The following NRG1 variants were observed in gnomAD, a reference collection of about 807,000 sequenced individuals.
The protein encoded by NRG1 is neuregulin 1.
Under a neutral mutation model 63.8 loss-of-function variants are expected in NRG1, and 18 were observed. The ratio of observed to expected loss-of-function variants is 0.28; its 90% CI spans 0.19 to 0.42. NRG1 has a LOEUF of 0.42. Among genes scored for constraint, NRG1 ranks in the 10% least tolerant of loss-of-function variants. The probability of loss-of-function intolerance (pLI) is 1.00; values close to 1 mark genes in which losing one functional copy is unlikely to be tolerated. For synonymous variants in NRG1, 302 were observed against 301.3 expected (o/e 1.00, Z -0.02); for missense variants, 762 against 814.7 (o/e 0.94, Z 0.79).
At chr8:32,310,514 G>T (rs1276914953) in intron 1 of NRG1, among the ~76,000 whole-genome samples, 1 of 152,108 alleles carries the variant, frequency 6.6e-6, no homozygotes, top group African/African-American at 2.4e-5. Flanking sequence ...CTTTAGTAGA[G>T]GCCAAATAAA....
At chr8:32,728,498 G>C in intron 6 of NRG1, 2 of 985,238 alleles carry the variant, frequency 2.0e-6, no homozygotes, top group Non-Finnish European at 2.4e-6. Flanking sequence ...AAATGAATAA[G>C]ACAACAAAGA....
chr8:32,018,546 T>C (rs1415871560), intron 1 of NRG1, among the ~76,000 whole-genome samples: 1 of 152,240 alleles, frequency 6.6e-6, no homozygotes, highest in Non-Finnish European at 1.5e-5. Flanking sequence ...TCTTTGTATC[T>C]TATTTCTTTC....
intron 1 of NRG1, among the ~76,000 whole-genome samples, chr8:32,344,404 T>A (rs1804558898): frequency 1.3e-5 from 1 of 75,674 alleles, no homozygotes. Flanking sequence ...TTTTTGTGCA[T>A]GCATGCGTGC....
At chr8:31,792,841 C>A (rs1820845674) in intron 1 of NRG1, among the ~76,000 whole-genome samples, 1 of 152,172 alleles carries the variant, frequency 6.6e-6, no homozygotes, top group South Asian at 2.1e-4. Context: ...GACTTGGAAA[C>A]CATTGTCGCA....
chr8:32,175,150 A>G (rs1393375039), intron 1 of NRG1, among the ~76,000 whole-genome samples: 2 of 152,236 alleles, frequency 1.3e-5, no homozygotes, highest in African/African-American at 4.8e-5. Context: ...AGTGGGCTTC[A>G]TCCCTGGGAT....
intron 1 of NRG1, among the ~76,000 whole-genome samples, chr8:31,731,866 T>C (rs1258609700): frequency 2.6e-5 from 4 of 152,190 alleles, no homozygotes; most frequent in Non-Finnish European, 5.9e-5. Context: ...TTGCAAGACA[T>C]CTAATATGAG....
intron 1 of NRG1, among the ~76,000 whole-genome samples, chr8:32,583,462 A>G (rs1488745232): frequency 6.6e-6 from 1 of 152,136 alleles, no homozygotes; most frequent in Non-Finnish European, 1.5e-5. Flanking sequence ...GAGTTCAGTA[A>G]TTTAAATTCA....
At chr8:32,387,550 A>G (rs1811177210) in intron 1 of NRG1, among the ~76,000 whole-genome samples, 1 of 152,154 alleles carries the variant, frequency 6.6e-6, no homozygotes, top group African/African-American at 2.4e-5. Context: ...TGCACATAAC[A>G]AAGTCTGATT....
At chr8:32,007,766 T>C (rs112425919) in intron 1 of NRG1, among the ~76,000 whole-genome samples, 2,700 of 152,128 alleles carry the variant, frequency 0.018, 84 homozygotes, top group African/African-American at 0.061. Context: ...TTCAGTGTAC[T>C]ACCAGCTGGG....
intron 1 of NRG1, chr8:32,221,147 C>G (rs1394074851): frequency 9.6e-6 from 1 of 103,920 alleles, no homozygotes; most frequent in African/African-American, 4.7e-5. Flanking sequence ...ATGAATATTT[C>G]TTATCTATAT....
intron 1 of NRG1, among the ~76,000 whole-genome samples, chr8:32,158,448 G>GATATATATATATATATCTATATATATAT (rs1838405850): frequency 3.2e-5 from 2 of 62,184 alleles, no homozygotes; most frequent in Non-Finnish European, 7.8e-5. Context: ...TGGTTTACAT[G>GATATATATATATATATCTATATATATAT]ATATATATAT....
intron 1 of NRG1, among the ~76,000 whole-genome samples, chr8:31,705,926 A>G (rs1179016611): frequency 6.6e-6 from 1 of 152,208 alleles, no homozygotes; most frequent in Non-Finnish European, 1.5e-5. Flanking sequence ...TGTGATGTTC[A>G]GTTGCGTGTT....
intron 1 of NRG1, among the ~76,000 whole-genome samples, chr8:31,748,773 A>G (rs935523069): frequency 6.6e-6 from 1 of 151,482 alleles, no homozygotes; most frequent in East Asian, 2.0e-4. Context: ...TTTCACTTTC[A>G]TCTATTTTTT....
chr8:32,718,526 T>A (rs1322881534), intron 5 of NRG1, among the ~76,000 whole-genome samples: 1 of 152,154 alleles, frequency 6.6e-6, no homozygotes, highest in Non-Finnish European at 1.5e-5. Context: ...CTCAAAAGCC[T>A]AACTCTCTTC....
chr8:32,668,548 T>G (rs1222402347), intron 5 of NRG1, among the ~76,000 whole-genome samples: 1 of 152,208 alleles, frequency 6.6e-6, no homozygotes, highest in Non-Finnish European at 1.5e-5. Context: ...CACAGCTGTC[T>G]CACCCAGTAT....
chr8:32,356,481 CCCCA>C (rs1024870932), intron 1 of NRG1, among the ~76,000 whole-genome samples: 38 of 129,432 alleles, frequency 2.9e-4, no homozygotes, highest in African/African-American at 9.8e-4. Flanking sequence ...GGGACCCCCC[CCCCA>C]CCCGCCGGGC....
At chr8:32,460,546 A>G (rs1353125023) in intron 1 of NRG1, among the ~76,000 whole-genome samples, 3 of 152,218 alleles carry the variant, frequency 2.0e-5, no homozygotes, top group Non-Finnish European at 4.4e-5. Context: ...TGCTAGTCAC[A>G]TCTTCTCATC....
intron 5 of NRG1, among the ~76,000 whole-genome samples, chr8:32,722,597 A>G (rs1387173635): frequency 6.6e-6 from 1 of 152,212 alleles, no homozygotes. Flanking sequence ...CTTAAGTTGT[A>G]AACGAAGTTT....
At chr8:32,695,110 C>T (rs1042750511) in intron 5 of NRG1, among the ~76,000 whole-genome samples, 1 of 152,062 alleles carries the variant, frequency 6.6e-6, no homozygotes, top group African/African-American at 2.4e-5. Flanking sequence ...AATCTCAGCA[C>T]TTTGGGAGGT....
Sources: allele counts gnomAD v4.1 joint callset (sites outside exome capture counted in the v4.1 genomes callset), GRCh38; gene constraint gnomAD v4.1.1; transcripts MANE v1.5; gene names NCBI Gene and HGNC (gene_info 2026-07-23, HGNC 2026-07-21).